MED22: variants seen among roughly 807,000 people sequenced by gnomAD.
MED22 encodes the protein mediator complex subunit 22, also known as mediator of RNA polymerase II transcription subunit 22.
Under a neutral mutation model 22.7 loss-of-function variants are expected in MED22, and 22 were observed. The observed-to-expected ratio is 0.97, with a 90% CI of 0.69 to 1.38. The LOEUF (loss-of-function observed/expected upper bound fraction) is 1.38. Among genes scored for constraint, MED22 ranks in the 40% most tolerant of loss-of-function variants. The pLI is 0.00. For missense variants in MED22, 247 were observed against 263.0 expected, an observed-to-expected ratio of 0.94 and a Z score of 0.42; for synonymous variants, 134 against 119.4, an observed-to-expected ratio of 1.12 and a Z score of -0.80.
intron 2 of MED22, among the ~76,000 whole-genome samples, chr9:133,345,814 G>A (rs2129966323): frequency 5.3e-5 from 8 of 152,258 alleles, no homozygotes; most frequent in South Asian, 2.1e-4. Flanking sequence ...GGCTCAGTTC[G>A]GGGTGGGTGT....
intron 4 of MED22, chr9:133,343,048 C>T: frequency 1.0e-6 from 1 of 988,996 alleles, no homozygotes; most frequent in South Asian, 4.7e-5. Flanking sequence ...GGAAATGCTG[C>T]CTCATGTCTG....
Position 133,339,424 on chromosome 9 carries a change from C to T in MED22, c.*2081G>A. 1 of 772,454 alleles carries T rather than the reference C, an allele frequency of 1.3e-6. No individual in the cohort carries two copies. Among genetic ancestry groups the T allele is most frequent in the Non-Finnish European group, 2.3e-6 (1 of 430,218 alleles). 47.8% of individuals were successfully genotyped at this position (772,454 alleles called of 1,614,324 possible). On this transcript the variant is annotated 3_prime_UTR_variant, in exon 5 of 5. Transcript: ENST00000343730. ...CACTGTGAGAACCAATGGGAAGGAG[C>T]CTGAGCTGCTGGAACCTCTTCCCTA...
chr9:133,343,915 G>A, intron 4 of MED22: 2 of 1,434,454 alleles, frequency 1.4e-6, no homozygotes, highest in Non-Finnish European at 1.8e-6. Context: ...TCATCACATT[G>A]CACTGTGGGA....
At chr9:133,342,371 T>G in intron 4 of MED22, 1 of 986,078 alleles carries the variant, frequency 1.0e-6, no homozygotes, top group Non-Finnish European at 1.2e-6. Context: ...GGGCCCTGGC[T>G]TTCCCGCGGC....
At chr9:133,343,871 T>C (rs1386206451) in intron 4 of MED22, 1 of 1,418,948 alleles carries the variant, frequency 7.0e-7, no homozygotes, top group East Asian at 2.5e-5. Context: ...TTCTCCAGAC[T>C]CGGCCTATCC....
In MED22 at chr9:133,339,049, A is replaced by G. The variant is rs1163184538; in HGVS notation, c.*2456T>C. ...AATATATGTTCTCTAGGCCTTTCAGAAAACATGCAGTTGTTCCTTTGGCCA... is the reference window on the plus strand; with the variant it reads ...AATATATGTTCTCTAGGCCTTTCAGGAAACATGCAGTTGTTCCTTTGGCCA... On this transcript the variant is annotated 3_prime_UTR_variant, in exon 5 of 5. Transcript: ENST00000343730. 1.4e-6 allele frequency: 1 copy of G among 735,624 alleles called. No individual in the cohort carries two copies. Among genetic ancestry groups the G allele is most frequent in the Non-Finnish European group, 2.4e-6 (1 of 411,650 alleles). The allele number at this position is 735,624 out of a possible 1,614,324, so 45.6% of individuals were successfully genotyped here.
At chr9:133,346,064 C>T (rs2129967048) in intron 2 of MED22, among the ~76,000 whole-genome samples, 2 of 152,232 alleles carry the variant, frequency 1.3e-5, no homozygotes, top group Non-Finnish European at 2.9e-5. Context: ...TAGCTTCCAT[C>T]CTCATCATCA....
At chr9:133,343,196 G>A in intron 4 of MED22, 1 of 1,107,284 alleles carries the variant, frequency 9.0e-7, no homozygotes, top group Non-Finnish European at 1.1e-6. Flanking sequence ...GGATATCTGT[G>A]GCTCCCAGCA....
Position 133,344,130 on chromosome 9 carries a change from C to A in MED22, c.408G>T (p.Ser136=). ...GAGTCCAGCGCTATTTATACCTGGA[C>A]GAGTAATACTCCTCCTCCAGCTCGT... ...DLYELEEEYY[S]SSSSLCEAND... is the part of the protein sequence containing the mutation. The change falls in exon 4 of 5, where the codon TCG becomes TCT. Residue 136 remains serine (S), a synonymous_variant. Coordinates refer to ENST00000343730, the MANE Select transcript of MED22 (RefSeq NM_133640.5). The A allele has an allele frequency of 6.2e-7, 1 of 1,614,102 alleles. No homozygotes were observed. Among genetic ancestry groups the A allele is most frequent in the East Asian group, 2.2e-5 (1 of 44,874 alleles).
At position 133,345,172 on chromosome 9, in the gene MED22, G is replaced by T. The variant is rs2129964023; in HGVS notation, c.204C>A (p.Ile68=). 1 of 1,613,808 alleles carries T rather than the reference G, an allele frequency of 6.2e-7. No homozygotes were observed. The highest frequency in any genetic ancestry group is 8.5e-7 in the Non-Finnish European group (1 of 1,179,992). The change falls in exon 3 of 5, where the codon ATC becomes ATA. Residue 68 remains isoleucine, a splice_region_variant and synonymous_variant. Coordinates refer to ENST00000343730, the MANE Select transcript of MED22 (RefSeq NM_133640.5). ...CGTGCCCTCCACCCTGGCCACTCACGATGTTGGCGGCTCGCACATGCATCT... is the reference window on the plus strand; with the variant it reads ...CGTGCCCTCCACCCTGGCCACTCACTATGTTGGCGGCTCGCACATGCATCT... ...NYEMHVRAAN[I]VRAGESLMKL...
At chr9:133,346,865 G>T (rs1836200670) in intron 1 of MED22, among the ~76,000 whole-genome samples, 165 bp from the exon 2 acceptor site, 1 of 152,154 alleles carries the variant, frequency 6.6e-6, no homozygotes, top group Non-Finnish European at 1.5e-5. Context: ...CACCGCAGGG[G>T]GTGCCAGGAC....
At chr9:133,343,654 G>C (rs1006608296) in intron 4 of MED22, 1 of 1,253,510 alleles carries the variant, frequency 8.0e-7, no homozygotes, top group African/African-American at 1.5e-5. Flanking sequence ...CCACACTGGG[G>C]TTTGGTGACA....
In MED22 at chr9:133,341,027, C is replaced by T. The variant is rs1364854946; in HGVS notation, c.*478G>A. The T allele has an allele frequency of 6.5e-6, 1 of 154,682 alleles. No homozygotes were observed. Among genetic ancestry groups the T allele is most frequent in the African/African-American group, 2.4e-5 (1 of 41,564 alleles). The allele number at this position is 154,682 out of a possible 1,614,324, so 9.6% of individuals were successfully genotyped here. On this transcript the variant is annotated 3_prime_UTR_variant, in exon 5 of 5. Coordinates refer to ENST00000343730, the MANE Select transcript of MED22 (RefSeq NM_133640.5). ...CACGGGCCTGTCGTGGCACTCAGCC[C>T]ATGGCACAGACATATGTGGCTCAGG...
rs1177159391 is a variant in MED22, at chr9:133,341,669, G to A, written c.439C>T (p.Leu147=). 1.9e-6 allele frequency: 3 copies of A among 1,608,162 alleles called. No homozygotes were observed. The highest frequency in any genetic ancestry group is 1.1e-5 in the South Asian group (1 of 90,154). Residue 147 remains leucine (L), a synonymous_variant, in exon 5 of 5, where the codon CTG becomes TTG. Transcript: ENST00000343730. ...CTCCCGTAAGCTTCGCACAGAGGCA[G>A]GTCATTAGCTTCGCAAAGGCTTGAG... ...SSSSLCEAND[L]PLCEAYGRLD...
intron 4 of MED22, chr9:133,342,079 A>G: frequency 6.5e-6 from 7 of 1,084,550 alleles, no homozygotes; most frequent in Non-Finnish European, 6.7e-6. Flanking sequence ...GACTGCAGAA[A>G]CCCCAGTGTC....
chr9:133,345,316 C>T, intron 2 of MED22, 64 bp from the exon 3 acceptor site: 4 of 1,515,938 alleles, frequency 2.6e-6, no homozygotes, highest in Non-Finnish European at 3.6e-6. Context: ...CTGGCCCGGC[C>T]CAGCCCAGCT....
rs2129943355 is a variant in MED22 at position 133,339,663 on chromosome 9, C to T, written c.*1842G>A. 12 of 345,182 alleles carry T rather than the reference C, an allele frequency of 3.5e-5. No homozygotes were observed. Among genetic ancestry groups the T allele is most frequent in the Non-Finnish European group, 5.4e-5 (10 of 185,192 alleles). 21.4% of individuals were successfully genotyped at this position (345,182 alleles called of 1,614,324 possible). The stretch of plus-strand genomic sequence containing the variant: ...AAACTGACAAGTACTTCCATGAGTT[C>T]CACTGCCCTCAAAATAAAAAGCTTG... On this transcript the variant is annotated 3_prime_UTR_variant, in exon 5 of 5. Transcript: ENST00000343730.
In MED22 at chr9:133,342,486, G is replaced by A. The variant is rs2129953493; in HGVS notation, c.414-792C>T. The A allele has an allele frequency of 5.7e-5, 56 of 986,810 alleles. No individual in the cohort carries two copies. In the Admixed American group the frequency reaches 7.4e-4, roughly 13 times the overall value. 61.1% of individuals were successfully genotyped at this position (986,810 alleles called of 1,614,324 possible). ...CCGAGGAACGCAAAGGAGAGGCAGA[G>A]CCAGAAAGAGCAACTAACAAGCAGA... is the stretch of plus-strand genomic sequence containing the variant. On this transcript the variant is annotated intron_variant, in intron 4 of 4. Transcript: ENST00000343730.
chr9:133,342,039 C>G lies in MED22; in HGVS notation c.414-345G>C. The G allele has an allele frequency of 2.7e-6, 3 of 1,111,282 alleles. No individual in the cohort carries two copies. The South Asian group carries it at 7.0e-5, about 26-fold the overall frequency. The allele number at this position is 1,111,282 out of a possible 1,614,324, so 68.8% of individuals were successfully genotyped here. On this transcript the variant is annotated intron_variant, in intron 4 of 4. Coordinates refer to ENST00000343730, the MANE Select transcript of MED22 (RefSeq NM_133640.5). Reference sequence around the variant, plus strand: ...CTGGTCCCCCTCCTCTTGCAAAAAGCTGTCAGCCTGGCCACCCTCCCTCCT... The same window carrying G: ...CTGGTCCCCCTCCTCTTGCAAAAAGGTGTCAGCCTGGCCACCCTCCCTCCT...
Sources: gnomAD v4.1 joint callset for allele counts (sites outside exome capture counted in the v4.1 genomes callset) on GRCh38, gnomAD v4.1.1 for gene constraint, MANE v1.5 for transcripts, NCBI Gene and HGNC (gene_info 2026-07-23, HGNC 2026-07-21) for gene names.